The following GAS2L2 variants were observed in gnomAD, a reference collection of about 807,000 sequenced individuals.
GAS2L2 encodes the protein growth arrest specific 2 like 2.
Under a neutral mutation model 35.2 loss-of-function variants are expected in GAS2L2, and 21 were observed. The observed-to-expected ratio is 0.60, with a 90% CI of 0.42 to 0.86. The LOEUF (loss-of-function observed/expected upper bound fraction) is 0.86, where lower values mean the gene tolerates loss of function less well. Ranked by LOEUF, GAS2L2 falls within the 40% of genes least tolerant of loss-of-function variation. GAS2L2 has a pLI of 0.00. For synonymous variants in GAS2L2, 490 were observed against 473.2 expected (o/e 1.04, Z -0.46); for missense variants, 1,169 against 1,144.4 (o/e 1.02, Z -0.31).
intron 3 of GAS2L2, among the ~76,000 whole-genome samples, chr17:35,748,669 C>T (rs1211266143): frequency 3.9e-5 from 6 of 152,226 alleles, no homozygotes; most frequent in Non-Finnish European, 5.9e-5. Context: ...TGGCTGGGGC[C>T]GTGCACTGAA....
At chr17:35,747,517 G>A (rs192615288) in intron 4 of GAS2L2, among the ~76,000 whole-genome samples, 327 of 152,236 alleles carry the variant, frequency 2.1e-3, no homozygotes, top group Non-Finnish European at 3.5e-3. Context: ...TGGAGTGGCT[G>A]GAGGCGTTGA....
chr17:35,752,931 G>A lies in GAS2L2; in HGVS notation c.-81C>T, dbSNP rs587764412. 2.8e-5 allele frequency: 40 copies of A among 1,436,440 alleles called. No homozygotes were observed. Among genetic ancestry groups the A allele is most frequent in the South Asian group, 1.6e-4 (12 of 74,252 alleles). The allele number at this position is 1,436,440 out of a possible 1,614,324, so 89.0% of individuals were successfully genotyped here. On this transcript the variant is annotated 5_prime_UTR_variant, in exon 1 of 6. Transcript: ENST00000604641. ...TTTCCTCCCGCTGCTGCTGGGTCTC[G>A]GCTGGGTTCTTCCTGATTCTGAGGT...
intron 5 of GAS2L2, 147 bp from the exon 6 acceptor site, chr17:35,746,558 C>T (rs1208963607): frequency 2.2e-6 from 1 of 456,528 alleles, no homozygotes; most frequent in African/African-American, 2.0e-5. Context: ...AACCTATGCT[C>T]CCTCTCCTCC....
At position 35,745,791 on chromosome 17, in the gene GAS2L2, A is replaced by G. The variant is rs2143021433; in HGVS notation, c.1706T>C (p.Met569Thr). 1 of 1,613,800 alleles carries G rather than the reference A, an allele frequency of 6.2e-7. No individual in the cohort carries two copies. Among genetic ancestry groups the G allele is most frequent in the Middle Eastern group, 1.6e-4 (1 of 6,062 alleles). Reference protein sequence around the residue: ...QEDQQLDIQVMAEARESWDLG... With the variant: ...QEDQQLDIQVTAEARESWDLG... ...GTCCCAGGACTCTCTGGCCTCTGCC[A>G]TGACCTGGATGTCCAGCTGCTGGTC... The change falls in exon 6 of 6, where the codon ATG becomes ACG. Residue 569 changes from methionine (M) to threonine (T), a missense_variant. This residue lies in a region of GAS2L2 where 1,035 missense variants were observed against 976.5 expected (regional missense o/e 1.06). Coordinates refer to ENST00000604641, the MANE Select transcript of GAS2L2 (RefSeq NM_139285.4).
At chr17:35,750,398 G>C in intron 1 of GAS2L2, 80 bp from the exon 2 acceptor site, 1 of 1,587,856 alleles carries the variant, frequency 6.3e-7, no homozygotes, top group Non-Finnish European at 8.6e-7. Context: ...GGGGCTAGCG[G>C]GGAGGAAAGC....
chr17:35,747,737 C>G (rs782348552), intron 4 of GAS2L2, 112 bp downstream of exon 4: 7 of 834,594 alleles, frequency 8.4e-6, no homozygotes, highest in African/African-American at 1.7e-5. Flanking sequence ...TCCCCACCTA[C>G]CGCTCCCCTC....
intron 1 of GAS2L2, among the ~76,000 whole-genome samples, chr17:35,752,021 G>T (rs1555599842): frequency 6.6e-6 from 1 of 151,906 alleles, no homozygotes; most frequent in African/African-American, 2.4e-5. Flanking sequence ...GTAGAGACAG[G>T]GTTTTGCTAT....
At position 35,745,065 on chromosome 17, in the gene GAS2L2, G is replaced by T. The variant is rs781916243; in HGVS notation, c.2432C>A (p.Pro811His). 1.2e-6 allele frequency: 2 copies of T among 1,613,836 alleles called. No individual in the cohort carries two copies. Among genetic ancestry groups the T allele is most frequent in the Non-Finnish European group, 1.7e-6 (2 of 1,179,946 alleles). ...YVFLGPARQP[P>H]KDRLLRAVLG... ...CACAGCTCTCAACAGCCTGTCCTTG[G>T]GGGGCTGCCTGGCTGGACCCAGGAA... Residue 811 changes from proline to histidine, a missense_variant, in exon 6 of 6, where the codon CCC becomes CAC. Around this residue, in one of 3 missense-constraint regions of GAS2L2, gnomAD observed 1,035 missense variants for 976.5 expected, o/e 1.06. Transcript: ENST00000604641.
chr17:35,744,889 C>A lies in GAS2L2; in HGVS notation c.2608G>T (p.Ala870Ser), dbSNP rs781960987. ...EGLQPHWLNQ[A>S]PLPPEEESWV ...GACTCCTCCTCAGGTGGAAGTGGAGCTTGATTAAGCCAGTGAGGTTGCAGG... is the reference window on the plus strand; with the variant it reads ...GACTCCTCCTCAGGTGGAAGTGGAGATTGATTAAGCCAGTGAGGTTGCAGG... The change falls in exon 6 of 6, where the codon GCT becomes TCT. Residue 870 changes from alanine (A) to serine (S), a missense_variant. Physicochemically the swap from Ala to Ser is moderately conservative, Grantham distance 99. Around this residue, in one of 3 missense-constraint regions of GAS2L2, gnomAD observed 1,035 missense variants for 976.5 expected, o/e 1.06. Coordinates refer to ENST00000604641, the MANE Select transcript of GAS2L2 (RefSeq NM_139285.4). The A allele has an allele frequency of 1.9e-6, 3 of 1,605,090 alleles. No homozygotes were observed. The South Asian group carries it at 3.3e-5, about 18-fold the overall frequency.
rs781808843 is a variant in GAS2L2, at chr17:35,747,282, C to T, written c.833-14G>A. The T allele has an allele frequency of 3.0e-4, 480 of 1,598,560 alleles. No individual in the cohort carries two copies. The highest frequency in any genetic ancestry group is 1.8e-4 in the Non-Finnish European group (207 of 1,170,910). On this transcript the variant is annotated splice_polypyrimidine_tract_variant and intron_variant, in intron 4 of 5. Coordinates refer to ENST00000604641, the MANE Select transcript of GAS2L2 (RefSeq NM_139285.4). ...CTGGCTTGTGTGCTACCAACAGTCC[C>T]CCGGAGAAAGGAGAGGAGAGAAGGG...
chr17:35,750,845 C>T (rs1290690811), intron 1 of GAS2L2, among the ~76,000 whole-genome samples: 1 of 152,180 alleles, frequency 6.6e-6, no homozygotes. Context: ...AGCCGCATGA[C>T]CTTGAGCTAG....
chr17:35,746,463 G>A, intron 5 of GAS2L2, 52 bp from the exon 6 acceptor site: 4 of 1,201,676 alleles, frequency 3.3e-6, no homozygotes, highest in Non-Finnish European at 4.3e-6. Context: ...GGCCGGCAGG[G>A]TCATCTAGTG....
At chr17:35,749,462 T>G (rs2085690159) in intron 2 of GAS2L2, among the ~76,000 whole-genome samples, 1 of 152,182 alleles carries the variant, frequency 6.6e-6, no homozygotes, top group Non-Finnish European at 1.5e-5. Flanking sequence ...GGGGGGACTG[T>G]GGGATCTGAC....
chr17:35,746,282 C>A lies in GAS2L2; in HGVS notation c.1215G>T (p.Glu405Asp), dbSNP rs56135703. ...CCCTGGGGAGTTCAGGGGGGTATCT[C>A]TCCTCCCTCTTTCCTGACGAGGTAC... ...PQCTSSGKRE[E>D]RYPPELPRGR... Residue 405 changes from glutamate (E) to aspartate (D), a missense_variant, in exon 6 of 6, where the codon GAG (glutamate) becomes GAT (aspartate). Transcript: ENST00000604641. 1.4e-6 allele frequency: 2 copies of A among 1,437,988 alleles called. No homozygotes were observed. The highest frequency in any genetic ancestry group is 2.8e-5 in the African/African-American group (2 of 70,742). 89.1% of individuals were successfully genotyped at this position (1,437,988 alleles called of 1,614,324 possible). A position where few individuals can be genotyped will look rare whatever the true frequency, so the allele number is the denominator to read the frequency against.
At position 35,745,470 on chromosome 17, in the gene GAS2L2, G is replaced by C; in HGVS notation, c.2027C>G (p.Ala676Gly). 1 of 1,593,224 alleles carries C rather than the reference G, an allele frequency of 6.3e-7. No individual in the cohort carries two copies. Among genetic ancestry groups the C allele is most frequent in the Non-Finnish European group, 8.6e-7 (1 of 1,168,060 alleles). Residue 676 changes from alanine to glycine, a missense_variant, in exon 6 of 6, where the codon GCC becomes GGC. Around this residue, in one of 3 missense-constraint regions of GAS2L2, gnomAD observed 1,035 missense variants for 976.5 expected, o/e 1.06. Transcript: ENST00000604641. Reference protein sequence around the residue: ...LKVDLEAWKAAPTGSPKPAVT... With the variant: ...LKVDLEAWKAGPTGSPKPAVT... ...AGCTGGCTTAGGGGAGCCAGTCGGG[G>C]CTGCCTTCCAGGCTTCCAGGTCCAC...
chr17:35,749,070 C>A, intron 3 of GAS2L2, 40 bp downstream of exon 3: 1 of 1,343,756 alleles, frequency 7.4e-7, no homozygotes, highest in Non-Finnish European at 1.1e-6. Flanking sequence ...GGGCAAGAAA[C>A]CCTATTCTGG....
chr17:35,749,907 G>T (rs1315632808), intron 2 of GAS2L2, among the ~76,000 whole-genome samples, 170 bp downstream of exon 2: 2 of 152,086 alleles, frequency 1.3e-5, no homozygotes, highest in African/African-American at 4.8e-5. Context: ...CGTGGTTAGG[G>T]TTGAGGCTCA....
chr17:35,746,997 C>T lies in GAS2L2; in HGVS notation c.1085+19G>A. On this transcript the variant is annotated intron_variant, in intron 5 of 5. Coordinates refer to ENST00000604641, the MANE Select transcript of GAS2L2 (RefSeq NM_139285.4). ...CACTCCAAAGGAAAAAGAGCCCCAT[C>T]CCTGTCTCTTCCCCATACCTCAGGA... 1 of 1,525,678 alleles carries T rather than the reference C, an allele frequency of 6.6e-7. No individual in the cohort carries two copies. Among genetic ancestry groups the T allele is most frequent in the Non-Finnish European group, 8.8e-7 (1 of 1,137,224 alleles). 94.5% of individuals were successfully genotyped at this position (1,525,678 alleles called of 1,614,324 possible).
In GAS2L2 at chr17:35,747,193, G is replaced by A. The variant is rs2085674159; in HGVS notation, c.908C>T (p.Ser303Leu). The stretch of plus-strand genomic sequence containing the variant: ...GATGGTCATTGTAGGCTGGGTCTGT[G>A]AGGGTCCATCCTGTACCCTTACTTC... Reference protein sequence around the residue: ...QHEVRVQDGPSQTQPTMTISR... With the variant: ...QHEVRVQDGPLQTQPTMTISR... Residue 303 changes from serine (S) to leucine (L), a missense_variant, in exon 5 of 6, where the codon TCA becomes TTA. Around this residue, in one of 3 missense-constraint regions of GAS2L2, gnomAD observed 1,035 missense variants for 976.5 expected, o/e 1.06. Coordinates refer to ENST00000604641, the MANE Select transcript of GAS2L2 (RefSeq NM_139285.4). The A allele has an allele frequency of 1.9e-6, 3 of 1,613,954 alleles. No homozygotes were observed. The highest frequency in any genetic ancestry group is 1.7e-5 in the Admixed American group (1 of 60,006).
Sources: gnomAD v4.1 joint callset for allele counts (sites outside exome capture counted in the v4.1 genomes callset) on GRCh38, gnomAD v4.1.1 for gene constraint, gnomAD v4.1.1 regional missense constraint, MANE v1.5 for transcripts, NCBI Gene and HGNC (gene_info 2026-07-23, HGNC 2026-07-21) for gene names.